ATP8B4: variants seen among roughly 807,000 people sequenced by gnomAD.
ATP8B4 encodes the protein ATPase phospholipid transporting 8B4 (putative).
A neutral mutation model predicts 145.6 loss-of-function variants in ATP8B4; 133 were observed. The ratio of observed to expected loss-of-function variants is 0.91; its 90% confidence interval spans 0.79 to 1.05. The LOEUF is 1.05. ATP8B4 is among the 50% of genes least tolerant of loss of function. The probability of loss-of-function intolerance (pLI) is 0.00; values close to 1 mark genes in which losing one functional copy is unlikely to be tolerated. For synonymous variants in ATP8B4, 507 were observed against 492.9 expected (o/e 1.03, Z -0.38); for missense variants, 1,458 against 1,425.2 (o/e 1.02, Z -0.37).
intron 1 of ATP8B4, among the ~76,000 whole-genome samples, chr15:50,157,260 C>T (rs960293366): frequency 6.6e-6 from 1 of 152,128 alleles, no homozygotes; most frequent in African/African-American, 2.4e-5. Context: ...AGAGTGGCCT[C>T]ATAACCAAAC....
chr15:50,073,017 T>TACACAC (rs1292685906), intron 3 of ATP8B4, among the ~76,000 whole-genome samples: 50 of 31,620 alleles, frequency 1.6e-3, no homozygotes, highest in African/African-American at 5.3e-3. Flanking sequence ...TATATATATA[T>TACACAC]ATACACACAC....
intron 7 of ATP8B4, among the ~76,000 whole-genome samples, chr15:50,010,000 CTG>C (rs2048606826): frequency 6.6e-6 from 1 of 152,124 alleles, no homozygotes; most frequent in Non-Finnish European, 1.5e-5. Context: ...TGAAAGAAGA[CTG>C]TTTCTGAAAG....
chr15:49,923,750 T>C (rs2040467302), intron 16 of ATP8B4, among the ~76,000 whole-genome samples: 1 of 152,190 alleles, frequency 6.6e-6, no homozygotes. Flanking sequence ...CTGAAGCACA[T>C]GACCTTCCTG....
chr15:50,022,918 C>T (rs1424845306), intron 6 of ATP8B4, among the ~76,000 whole-genome samples: 1 of 152,228 alleles, frequency 6.6e-6, no homozygotes, highest in East Asian at 1.9e-4. Context: ...ACTACTCAAA[C>T]CCCAAAGTCT....
chr15:49,929,128 A>T (rs2041013270), intron 16 of ATP8B4, among the ~76,000 whole-genome samples: 1 of 152,128 alleles, frequency 6.6e-6, no homozygotes, highest in Admixed American at 6.6e-5. Context: ...GCCAAGGGGC[A>T]CAAAAGCTAT....
At chr15:49,881,000 T>A (rs2035307018) in intron 23 of ATP8B4, among the ~76,000 whole-genome samples, 2 of 152,048 alleles carry the variant, frequency 1.3e-5, no homozygotes. Flanking sequence ...TAGTCCCAGC[T>A]ACTCGGGAGG....
intron 6 of ATP8B4, among the ~76,000 whole-genome samples, chr15:50,029,549 C>T (rs2153590370): frequency 6.6e-6 from 1 of 152,208 alleles, no homozygotes; most frequent in Non-Finnish European, 1.5e-5. Context: ...ATGATCTTAC[C>T]TCAAGATCTT....
At chr15:50,097,714 C>T (rs557407941) in intron 2 of ATP8B4, among the ~76,000 whole-genome samples, 2 of 152,246 alleles carry the variant, frequency 1.3e-5, no homozygotes, top group East Asian at 3.9e-4. Flanking sequence ...AATAGGAAAC[C>T]CACCTGTGTA....
At chr15:49,945,034 G>T (rs1316479698) in intron 14 of ATP8B4, among the ~76,000 whole-genome samples, 2 of 152,064 alleles carry the variant, frequency 1.3e-5, no homozygotes. Context: ...AAACCTCATG[G>T]CATATAGCAA....
intron 24 of ATP8B4, among the ~76,000 whole-genome samples, chr15:49,879,047 A>T (rs986605261): frequency 6.6e-6 from 1 of 152,386 alleles, no homozygotes; most frequent in Admixed American, 6.5e-5. Flanking sequence ...AAACATATAC[A>T]GTCATAGAAG....
intron 14 of ATP8B4, among the ~76,000 whole-genome samples, chr15:49,943,084 A>G (rs2153479204): frequency 6.6e-6 from 1 of 152,236 alleles, no homozygotes; most frequent in East Asian, 1.9e-4. Context: ...GAATTGAAAA[A>G]TTCACTACAA....
intron 6 of ATP8B4, among the ~76,000 whole-genome samples, chr15:50,038,000 T>C (rs2050966629): frequency 6.6e-6 from 1 of 152,230 alleles, no homozygotes; most frequent in East Asian, 1.9e-4. Flanking sequence ...AAAAATTACA[T>C]TCTTCACGGT....
chr15:50,159,804 T>C lies in ATP8B4; in HGVS notation c.-43+22457A>G, dbSNP rs570910727. On this transcript the variant is annotated intron_variant, in intron 1 of 3. Coordinates refer to the ATP8B4 transcript ENST00000558829. ...TTGATTTGTGTATGTTGAACCATCT[T>C]TGCATCCCTGGAATAAATCCCACTT... Among the ~76,000 whole-genome samples the C allele has an allele frequency of 2.0e-5, 3 of 152,310 alleles. No individual in the cohort carries two copies. In the East Asian group the frequency reaches 5.8e-4, roughly 29 times the overall value.
intron 1 of ATP8B4, among the ~76,000 whole-genome samples, chr15:50,161,742 A>G (rs2044521951): frequency 6.6e-6 from 1 of 152,024 alleles, no homozygotes; most frequent in South Asian, 2.1e-4. Flanking sequence ...TGTAGTTACT[A>G]TCTTTGATAG....
At chr15:50,034,854 A>G (rs1259640476) in intron 6 of ATP8B4, among the ~76,000 whole-genome samples, 1 of 152,210 alleles carries the variant, frequency 6.6e-6, no homozygotes, top group Non-Finnish European at 1.5e-5. Context: ...GTGGCCAGGA[A>G]TAGTTAGCAT....
chr15:50,046,505 T>A (rs1384093882), intron 4 of ATP8B4, among the ~76,000 whole-genome samples: 1 of 152,186 alleles, frequency 6.6e-6, no homozygotes, highest in African/African-American at 2.4e-5. Flanking sequence ...CATGAATAAT[T>A]TATCTTTTGC....
At chr15:49,862,613 C>A (rs377738305) in intron 26 of ATP8B4, among the ~76,000 whole-genome samples, 1 of 152,082 alleles carries the variant, frequency 6.6e-6, no homozygotes. Context: ...CCCGCCACCA[C>A]GCCCGGCTAA....
At chr15:50,114,023 T>C (rs533270331) in intron 1 of ATP8B4, among the ~76,000 whole-genome samples, 1 of 149,182 alleles carries the variant, frequency 6.7e-6, no homozygotes, top group Admixed American at 6.7e-5. Context: ...ATGCAGCCAT[T>C]ACCCAGCCAC....
intron 23 of ATP8B4, chr15:49,883,031 A>C (rs1448725636): frequency 6.6e-6 from 1 of 152,198 alleles, no homozygotes; most frequent in African/African-American, 2.4e-5. Flanking sequence ...CCCAGGCCAC[A>C]CCCCAGGCCA....
Sources: allele counts gnomAD v4.1 joint callset (sites outside exome capture counted in the v4.1 genomes callset), GRCh38; gene constraint gnomAD v4.1.1; transcripts MANE v1.5; gene names NCBI Gene and HGNC (gene_info 2026-07-23, HGNC 2026-07-21).